The following RGS6 variants were observed in gnomAD, a reference collection of about 807,000 sequenced individuals.
The protein encoded by RGS6 is regulator of G protein signaling 6.
Under a neutral mutation model 78.5 loss-of-function variants are expected in RGS6, and 30 were observed. The observed-to-expected ratio is 0.38, with a 90% CI of 0.29 to 0.52. The LOEUF (loss-of-function observed/expected upper bound fraction) is 0.52. Ranked by LOEUF, RGS6 falls within the 20% of genes least tolerant of loss-of-function variation. RGS6 has a pLI of 0.85. For synonymous variants in RGS6, 206 were observed against 206.0 expected (o/e 1.00, Z 0.00); for missense variants, 495 against 609.7 (o/e 0.81, Z 1.98).
At chr14:72,034,981 C>T (rs1755624645) in intron 2 of RGS6, among the ~76,000 whole-genome samples, 1 of 152,140 alleles carries the variant, frequency 6.6e-6, no homozygotes, top group Admixed American at 6.5e-5. Flanking sequence ...TTCTGAGTAG[C>T]ATGATAAAAT....
At chr14:72,227,420 C>A (rs1308611760) in intron 2 of RGS6, among the ~76,000 whole-genome samples, 1 of 152,122 alleles carries the variant, frequency 6.6e-6, no homozygotes, top group Non-Finnish European at 1.5e-5. Context: ...GGGCTTGGAA[C>A]ATTTTCTTAA....
At chr14:72,468,176 C>T (rs1027649451) in intron 7 of RGS6, among the ~76,000 whole-genome samples, 1 of 152,062 alleles carries the variant, frequency 6.6e-6, no homozygotes, top group Non-Finnish European at 1.5e-5. Context: ...GTCAGGAGAT[C>T]GAGACCATCC....
At chr14:71,945,901 T>G (rs2091442684) in intron 1 of RGS6, among the ~76,000 whole-genome samples, 1 of 152,202 alleles carries the variant, frequency 6.6e-6, no homozygotes, top group African/African-American at 2.4e-5. Context: ...GGCTGTATTT[T>G]ATGGTGTGAC....
At chr14:72,104,378 A>G (rs2095589659) in intron 2 of RGS6, among the ~76,000 whole-genome samples, 2 of 152,338 alleles carry the variant, frequency 1.3e-5, no homozygotes, top group South Asian at 2.1e-4. Flanking sequence ...TTGTTGTTTT[A>G]TATTTTTATT....
At chr14:72,484,577 T>C (rs551134986) in intron 12 of RGS6, among the ~76,000 whole-genome samples, 1 of 152,300 alleles carries the variant, frequency 6.6e-6, no homozygotes, top group African/African-American at 2.4e-5. Context: ...GTAGCAAAAT[T>C]ATAAGTCTTT....
At chr14:72,445,964 A>G (rs1176259622) in intron 3 of RGS6, among the ~76,000 whole-genome samples, 1 of 152,182 alleles carries the variant, frequency 6.6e-6, no homozygotes, top group African/African-American at 2.4e-5. Context: ...TAGTCTTATT[A>G]AAGGGAAATT....
At chr14:72,330,728 C>G (rs574869729) in intron 2 of RGS6, among the ~76,000 whole-genome samples, 5 of 152,298 alleles carry the variant, frequency 3.3e-5, no homozygotes, top group Non-Finnish European at 5.9e-5. Flanking sequence ...ATTCCAAACC[C>G]TCTCACAGCA....
At chr14:72,201,623 A>T (rs2041608062) in intron 2 of RGS6, among the ~76,000 whole-genome samples, 1 of 152,308 alleles carries the variant, frequency 6.6e-6, no homozygotes, top group Middle Eastern at 3.4e-3. Context: ...CAGCTGAAAA[A>T]CAGTTTCTCT....
intron 2 of RGS6, among the ~76,000 whole-genome samples, chr14:72,139,446 G>A (rs2153609066): frequency 6.6e-6 from 1 of 152,288 alleles, no homozygotes; most frequent in South Asian, 2.1e-4. Context: ...TTCTGCTCAG[G>A]CGGCTTGGAG....
chr14:72,535,297 C>T (rs2097235112), intron 15 of RGS6, among the ~76,000 whole-genome samples: 1 of 152,224 alleles, frequency 6.6e-6, no homozygotes, highest in Admixed American at 6.5e-5. Flanking sequence ...GTTACATGTC[C>T]TGTGATGTGG....
At chr14:72,421,473 G>A (rs1293281467) in intron 3 of RGS6, 1 of 152,190 alleles carries the variant, frequency 6.6e-6, no homozygotes, top group Non-Finnish European at 1.5e-5. Context: ...CAGCTCTAAC[G>A]TGATGCCTTT....
the RGS6 span, among the ~76,000 whole-genome samples, chr14:71,910,446 T>G: frequency 6.6e-6 from 1 of 152,208 alleles, no homozygotes; most frequent in African/African-American, 2.4e-5. Context: ...ACAGATTTAT[T>G]GTTTTTTGTT....
At chr14:72,431,828 C>T (rs577309644) in intron 3 of RGS6, among the ~76,000 whole-genome samples, 7 of 152,210 alleles carry the variant, frequency 4.6e-5, no homozygotes, top group African/African-American at 1.4e-4. Context: ...CAGCTTGGAC[C>T]GCCTTTTCTC....
At chr14:72,362,676 C>G (rs1275729840) in intron 3 of RGS6, among the ~76,000 whole-genome samples, 1 of 152,220 alleles carries the variant, frequency 6.6e-6, no homozygotes, top group African/African-American at 2.4e-5. Flanking sequence ...ACTGCAAGAC[C>G]TCTTAGGGCC....
chr14:72,419,585 A>T (rs1205545155), intron 3 of RGS6, among the ~76,000 whole-genome samples: 1 of 152,222 alleles, frequency 6.6e-6, no homozygotes, highest in Non-Finnish European at 1.5e-5. Flanking sequence ...GTGACTGTTA[A>T]TCAGCCATTT....
At chr14:72,243,751 C>T (rs1450640526) in intron 2 of RGS6, among the ~76,000 whole-genome samples, 1 of 151,806 alleles carries the variant, frequency 6.6e-6, no homozygotes, top group East Asian at 1.9e-4. Context: ...CTAGGAAAAG[C>T]ACCTTTTTTT....
At chr14:72,289,810 C>G (rs2063254866) in intron 2 of RGS6, among the ~76,000 whole-genome samples, 1 of 152,152 alleles carries the variant, frequency 6.6e-6, no homozygotes, top group Admixed American at 6.5e-5. Context: ...CTCATGTGGA[C>G]AGGTGGTTAT....
At chr14:72,300,799 C>T (rs2065892700) in intron 2 of RGS6, among the ~76,000 whole-genome samples, 2 of 152,120 alleles carry the variant, frequency 1.3e-5, no homozygotes, top group African/African-American at 4.8e-5. Flanking sequence ...AAGTGTATAC[C>T]GTTTCTTTGA....
At chr14:72,601,260 C>T in the RGS6 span, among the ~76,000 whole-genome samples, 1 of 152,126 alleles carries the variant, frequency 6.6e-6, no homozygotes, top group Admixed American at 6.5e-5. Context: ...AGCCTCCCAC[C>T]ATCATAGCCA....
Sources: allele counts gnomAD v4.1 joint callset (sites outside exome capture counted in the v4.1 genomes callset), GRCh38; gene constraint gnomAD v4.1.1; transcripts MANE v1.5; gene names NCBI Gene and HGNC (gene_info 2026-07-23, HGNC 2026-07-21).